The following MARCHF1 variants were observed in gnomAD, a reference collection of about 807,000 sequenced individuals.
MARCHF1 encodes the protein membrane associated ring-CH-type finger 1, also known as E3 ubiquitin-protein ligase MARCHF1.
A neutral mutation model predicts 54.2 loss-of-function variants in MARCHF1; 40 were observed. The observed-to-expected ratio is 0.74, with a 90% CI of 0.57 to 0.96. MARCHF1 has a LOEUF of 0.96. Ranked by LOEUF, MARCHF1 falls within the 40% of genes least tolerant of loss-of-function variation. MARCHF1 has a pLI of 0.00. For missense variants in MARCHF1, 586 were observed against 656.5 expected (o/e 0.89, Z 1.17); for synonymous variants, 236 against 236.3 (o/e 1.00, Z 0.01).
chr4:163,725,648 A>G (rs183962945), intron 4 of MARCHF1, among the ~76,000 whole-genome samples: 76 of 152,302 alleles, frequency 5.0e-4, no homozygotes, highest in Non-Finnish European at 5.9e-5. Context: ...TTCATAGTCT[A>G]TGGTTGTAAG....
chr4:163,772,092 T>C (rs1309797777), intron 4 of MARCHF1, among the ~76,000 whole-genome samples: 6 of 152,152 alleles, frequency 3.9e-5, no homozygotes, highest in African/African-American at 1.2e-4. Flanking sequence ...ACCTACAGAC[T>C]CACAATCTGC....
chr4:163,727,339 G>A (rs10084785), intron 4 of MARCHF1, among the ~76,000 whole-genome samples: 56,144 of 148,474 alleles, frequency 0.38, 10,760 homozygotes, highest in South Asian at 0.45. Context: ...ACGGAGTCTC[G>A]CTCTGTCGCC....
chr4:164,220,915 T>C (rs1316963735), intron 1 of MARCHF1, among the ~76,000 whole-genome samples: 4 of 151,788 alleles, frequency 2.6e-5, no homozygotes, highest in Non-Finnish European at 4.4e-5. Flanking sequence ...AGACATTGAA[T>C]AATGTATTTT....
intron 5 of MARCHF1, among the ~76,000 whole-genome samples, chr4:163,661,748 C>A (rs1242818326): frequency 6.6e-6 from 1 of 152,038 alleles, no homozygotes; most frequent in Non-Finnish European, 1.5e-5. Flanking sequence ...CAAGTATTTT[C>A]TTGCCCATGC....
At chr4:163,733,403 A>T (rs1745938387) in intron 4 of MARCHF1, among the ~76,000 whole-genome samples, 1 of 144,478 alleles carries the variant, frequency 6.9e-6, no homozygotes, top group Non-Finnish European at 1.5e-5. Flanking sequence ...AATGGTTACT[A>T]TTTTTAAGGG....
At chr4:163,858,747 C>T (rs1271212622) in intron 3 of MARCHF1, among the ~76,000 whole-genome samples, 2 of 152,164 alleles carry the variant, frequency 1.3e-5, no homozygotes, top group Non-Finnish European at 2.9e-5. Flanking sequence ...AACATTCATG[C>T]CTATCACTCA....
intron 5 of MARCHF1, among the ~76,000 whole-genome samples, chr4:163,660,140 C>T (rs1342991864): frequency 2.6e-5 from 4 of 152,126 alleles, no homozygotes; most frequent in East Asian, 3.9e-4. Flanking sequence ...ATAGTAAAGA[C>T]TTGGAACCAA....
intron 4 of MARCHF1, among the ~76,000 whole-genome samples, chr4:163,757,993 T>TAA (rs139699947): frequency 6.6e-6 from 1 of 152,104 alleles, no homozygotes; most frequent in Non-Finnish European, 1.5e-5. Context: ...TTACGTATAG[T>TAA]AAAAAAATGC....
At chr4:164,275,526 G>A (rs1259725654) in intron 1 of MARCHF1, among the ~76,000 whole-genome samples, 1 of 152,178 alleles carries the variant, frequency 6.6e-6, no homozygotes, top group Non-Finnish European at 1.5e-5. Context: ...AACAACGTTT[G>A]GATAATTTTT....
intron 8 of MARCHF1, among the ~76,000 whole-genome samples, chr4:163,577,335 T>A (rs975319301): frequency 6.6e-6 from 1 of 152,140 alleles, no homozygotes; most frequent in African/African-American, 2.4e-5. Context: ...CCTTTGCTTG[T>A]GAAGTTTAGT....
intron 1 of MARCHF1, among the ~76,000 whole-genome samples, chr4:164,294,698 TTTAC>T (rs1356325805): frequency 1.3e-5 from 2 of 152,174 alleles, no homozygotes; most frequent in African/African-American, 4.8e-5. Context: ...TTATTGAACT[TTTAC>T]TTAACATGCA....
chr4:164,144,358 C>G (rs1453821856), intron 1 of MARCHF1, among the ~76,000 whole-genome samples: 1 of 151,674 alleles, frequency 6.6e-6, no homozygotes, highest in Non-Finnish European at 1.5e-5. Context: ...CCCAAATCAA[C>G]AGAATATATA....
intron 3 of MARCHF1, among the ~76,000 whole-genome samples, chr4:163,889,919 C>CTTTTTT (rs146357456): frequency 6.0e-5 from 7 of 117,234 alleles, no homozygotes; most frequent in Non-Finnish European, 8.4e-5. Flanking sequence ...TATTTATTTT[C>CTTTTTT]TTTTTTCTTT....
At chr4:163,971,232 A>G (rs1392923491) in intron 3 of MARCHF1, among the ~76,000 whole-genome samples, 3 of 152,236 alleles carry the variant, frequency 2.0e-5, no homozygotes, top group African/African-American at 4.8e-5. Context: ...GATAGAGTGT[A>G]AGGCAGGATG....
chr4:164,346,102 G>T (rs1730084953), intron 1 of MARCHF1, among the ~76,000 whole-genome samples: 1 of 152,190 alleles, frequency 6.6e-6, no homozygotes, highest in Non-Finnish European at 1.5e-5. Context: ...TGGCAAATGT[G>T]CAGCTTATGA....
intron 1 of MARCHF1, among the ~76,000 whole-genome samples, chr4:164,374,649 C>T (rs1199369306): frequency 1.3e-5 from 2 of 152,116 alleles, no homozygotes; most frequent in African/African-American, 4.8e-5. Context: ...ACTTTTCCTT[C>T]TATATTATAC....
intron 1 of MARCHF1, among the ~76,000 whole-genome samples, chr4:164,219,113 G>A (rs988228311): frequency 6.6e-6 from 1 of 152,202 alleles, no homozygotes; most frequent in African/African-American, 2.4e-5. Flanking sequence ...GAAGAAGTCT[G>A]CACATGAGTG....
At chr4:164,188,346 T>C in intron 1 of MARCHF1, 1 of 431,696 alleles carries the variant, frequency 2.3e-6, no homozygotes, top group Non-Finnish European at 4.3e-6. Context: ...CTTCATTGCC[T>C]GCGACGCCCT....
At chr4:164,002,014 A>G (rs1319380767) in intron 2 of MARCHF1, among the ~76,000 whole-genome samples, 1 of 151,842 alleles carries the variant, frequency 6.6e-6, no homozygotes, top group Admixed American at 6.6e-5. Flanking sequence ...GAACACTCAT[A>G]CCTTATAATA....
Sources: allele counts gnomAD v4.1 joint callset (sites outside exome capture counted in the v4.1 genomes callset), GRCh38; gene constraint gnomAD v4.1.1; transcripts MANE v1.5; gene names NCBI Gene and HGNC (gene_info 2026-07-23, HGNC 2026-07-21).